DAB2IP: variants seen among roughly 807,000 people sequenced by gnomAD.
DAB2IP encodes the protein DAB2 interacting protein.
DAB2IP carries 28 observed loss-of-function variants against 107.2 expected under a neutral mutation model. That is an observed-to-expected ratio of 0.26 (90% CI 0.19 to 0.36). The LOEUF is 0.36. DAB2IP is among the 10% of genes least tolerant of loss of function. The pLI, the probability that DAB2IP is intolerant of heterozygous loss-of-function variation, is 1.00. For missense variants in DAB2IP, 1,400 were observed against 1,644.7 expected, an observed-to-expected ratio of 0.85 and a Z score of 2.57; for synonymous variants, 755 against 706.4, an observed-to-expected ratio of 1.07 and a Z score of -1.09.
chr9:121,724,703 C>T (rs1470822706), intron 3 of DAB2IP, among the ~76,000 whole-genome samples: 1 of 152,142 alleles, frequency 6.6e-6, no homozygotes, highest in Non-Finnish European at 1.5e-5. Context: ...GATGGGGAAA[C>T]TAGACTCAAA....
In DAB2IP at chr9:121,651,610, A is replaced by C. The variant is rs778124959; in HGVS notation, c.-166A>C. 6.0e-6 allele frequency: 6 copies of C among 1,002,936 alleles called. No homozygotes were observed. The East Asian group carries it at 5.1e-4, about 85-fold the overall frequency. 62.1% of individuals were successfully genotyped at this position (1,002,936 alleles called of 1,614,324 possible). A position where few individuals can be genotyped will look rare whatever the true frequency, so the allele number is the denominator to read the frequency against. On this transcript the variant is annotated 5_prime_UTR_variant, in exon 1 of 16. Coordinates refer to ENST00000408936, the Ensembl canonical transcript of DAB2IP. The surrounding 1 kb of genome is among the most constrained non-coding windows in gnomAD (Gnocchi z 5.1). ...GGCTGCTCGGGGAGCGGGAGGGGGC[A>C]GGAGGCGGAGGAGGAGTTTGAGCGA... is the stretch of plus-strand genomic sequence containing the variant.
intron 3 of DAB2IP, among the ~76,000 whole-genome samples, chr9:121,704,985 C>T (rs1201950593): frequency 1.3e-5 from 2 of 152,208 alleles, no homozygotes; most frequent in African/African-American, 4.8e-5. Context: ...GGCCCAGGAG[C>T]ACATGATTCT....
Position 121,776,224 on chromosome 9 carries a change from G to T in DAB2IP, c.3147G>T (p.Leu1049=). The change falls in exon 14 of 16, where the codon CTG becomes CTT. Residue 1049 remains leucine (L), a synonymous_variant. Transcript: ENST00000408936. This position sits in a 1 kb window ranked among gnomAD's most constrained non-coding sequence, Gnocchi z 5.4. Reference sequence around the variant, plus strand: ...ACCTGGCGGTGCTGCAGGACAAGCTGCGAATCTCCACCAAGAAGCTGGAGG... The same window carrying T: ...ACCTGGCGGTGCTGCAGGACAAGCTTCGAATCTCCACCAAGAAGCTGGAGG... 1 of 1,581,830 alleles carries T rather than the reference G, an allele frequency of 6.3e-7. No homozygotes were observed. Among genetic ancestry groups the T allele is most frequent in the South Asian group, 1.2e-5 (1 of 85,950 alleles).
intron 3 of DAB2IP, among the ~76,000 whole-genome samples, chr9:121,745,997 G>A (rs533715090): frequency 2.0e-4 from 30 of 152,278 alleles, no homozygotes; most frequent in African/African-American, 7.2e-4. Flanking sequence ...CCTGTACTCT[G>A]GAGCCTGCTC....
intron 1 of DAB2IP, among the ~76,000 whole-genome samples, chr9:121,666,005 G>T (rs939642277): frequency 2.0e-5 from 3 of 152,212 alleles, no homozygotes; most frequent in African/African-American, 7.2e-5. Context: ...GAAAGTTATT[G>T]TCTTACAGTT....
At chr9:121,687,692 G>T (rs1564156898) in intron 2 of DAB2IP, among the ~76,000 whole-genome samples, 1 of 152,188 alleles carries the variant, frequency 6.6e-6, no homozygotes, top group Non-Finnish European at 1.5e-5. Flanking sequence ...TCTAAGTATT[G>T]TCTCATTTAA....
chr9:121,687,543 G>A (rs982001398), intron 2 of DAB2IP, among the ~76,000 whole-genome samples: 2 of 152,214 alleles, frequency 1.3e-5, no homozygotes, highest in Non-Finnish European at 2.9e-5. Context: ...GAGAGGCAGG[G>A]TGGTGGTCAG....
At position 121,774,241 on chromosome 9, in the gene DAB2IP, C is replaced by T. The variant is rs1835013804; in HGVS notation, c.2968-19C>T. 4 of 1,594,532 alleles carry T rather than the reference C, an allele frequency of 2.5e-6. No homozygotes were observed. In the Admixed American group the frequency reaches 5.2e-5, roughly 21 times the overall value. On this transcript the variant is annotated intron_variant, in intron 12 of 15. Coordinates refer to ENST00000408936, the Ensembl canonical transcript of DAB2IP. ...CCCTCCACCTCCCTGCAGCCCCTCACAGCTGTGTTTCATTGTAGGGCCCTT... is the reference window on the plus strand; with the variant it reads ...CCCTCCACCTCCCTGCAGCCCCTCATAGCTGTGTTTCATTGTAGGGCCCTT...
chr9:121,757,001 C>T lies in DAB2IP; in HGVS notation c.363-12C>T, dbSNP rs1175890906. On this transcript the variant is annotated splice_polypyrimidine_tract_variant and intron_variant, in intron 3 of 15. Transcript: ENST00000408936. ...TGTGGGGGCCCACCTGACACACCTA[C>T]TGCCACCCCAGGTCCCATCTGATGC... The T allele has an allele frequency of 6.2e-7, 1 of 1,613,684 alleles. No individual in the cohort carries two copies. The highest frequency in any genetic ancestry group is 8.5e-7 in the Non-Finnish European group (1 of 1,179,906).
At chr9:121,618,993 A>AT (rs1053492178) in intron 1 of DAB2IP, among the ~76,000 whole-genome samples, 2 of 152,120 alleles carry the variant, frequency 1.3e-5, no homozygotes, top group Non-Finnish European at 2.9e-5. Context: ...TAAAGAGCCA[A>AT]TTATGTGGTT....
chr9:121,778,325 A>G (rs1179756834), intron 14 of DAB2IP, among the ~76,000 whole-genome samples: 1 of 152,224 alleles, frequency 6.6e-6, no homozygotes, highest in Non-Finnish European at 1.5e-5. Flanking sequence ...GTGTCAACAT[A>G]TGAATTTAGA....
At chr9:121,628,247 G>C (rs1003062113) in intron 1 of DAB2IP, among the ~76,000 whole-genome samples, 3 of 152,190 alleles carry the variant, frequency 2.0e-5, no homozygotes, top group Admixed American at 6.5e-5. Flanking sequence ...GAGTGGCTGT[G>C]ATGTGATTCC....
chr9:121,589,916 C>CTCCCTTCCCTTCCCTTCCCTTCCCT (rs145754287), intron 1 of DAB2IP, among the ~76,000 whole-genome samples: 210 of 93,348 alleles, frequency 2.2e-3, no homozygotes, highest in African/African-American at 3.1e-3. Flanking sequence ...CCCAGTCCTG[C>CTCCCTTCCCTTCCCTTCCCTTCCCT]TCCCTTCCCT....
At chr9:121,761,528 G>A (rs1833890766) in intron 6 of DAB2IP, among the ~76,000 whole-genome samples, 1 of 152,190 alleles carries the variant, frequency 6.6e-6, no homozygotes, top group Admixed American at 6.5e-5. Context: ...CCTGTTCCTA[G>A]AGGCCCTGGA....
At chr9:121,696,243 T>C (rs1299540399) in intron 2 of DAB2IP, among the ~76,000 whole-genome samples, 1 of 152,198 alleles carries the variant, frequency 6.6e-6, no homozygotes, top group African/African-American at 2.4e-5. Flanking sequence ...GCAAGGGGCC[T>C]TAGCTGTCTT....
chr9:121,701,016 G>A lies in DAB2IP; in HGVS notation c.362+1558G>A, dbSNP rs550125700. ...GGTTTGCTGCCTTCCTCCCTCCACC[G>A]GGCCCCTGCCTTCGGCTGTCTTCCC... On this transcript the variant is annotated intron_variant, in intron 3 of 15. Coordinates refer to ENST00000408936, the Ensembl canonical transcript of DAB2IP. This position sits in a 1 kb window ranked among gnomAD's most constrained non-coding sequence, Gnocchi z 4.7. Among the ~76,000 whole-genome samples, 6 of 152,328 alleles carry A rather than the reference G, an allele frequency of 3.9e-5. No individual in the cohort carries two copies. The highest frequency in any genetic ancestry group is 1.9e-4 in the East Asian group (1 of 5,184).
exon 13 of DAB2IP, chr9:121,774,366 A>G (rs1367731868): frequency 1.2e-6 from 2 of 1,612,240 alleles, no homozygotes; most frequent in Non-Finnish European, 1.7e-6. Flanking sequence ...GACCCCCCCC[A>G]CAGGGATAGG....
At chr9:121,756,285 C>T (rs1480633607) in intron 3 of DAB2IP, among the ~76,000 whole-genome samples, 3 of 152,188 alleles carry the variant, frequency 2.0e-5, no homozygotes, top group Non-Finnish European at 4.4e-5. Context: ...GAGCAGCGGG[C>T]CCAGGTCTGG....
At chr9:121,570,105 CTCTTTTTTTT>C (rs1159161479) in intron 1 of DAB2IP, among the ~76,000 whole-genome samples, 26 of 122,568 alleles carry the variant, frequency 2.1e-4, no homozygotes, top group Admixed American at 5.4e-4. Flanking sequence ...TTTTCTCTTT[CTCTTTTTTTT>C]TTTTTTTTTT....
Sources: gnomAD v4.1 joint callset for allele counts (sites outside exome capture counted in the v4.1 genomes callset) on GRCh38, gnomAD v4.1.1 for gene constraint, Gnocchi (gnomAD v3.1) non-coding constraint, MANE v1.5 for transcripts, NCBI Gene and HGNC (gene_info 2026-07-23, HGNC 2026-07-21) for gene names.